RAB3GAP1: variants seen among roughly 807,000 people sequenced by gnomAD.
RAB3GAP1 encodes the protein rab3 GTPase-activating protein catalytic subunit.
RAB3GAP1 carries 86 observed loss-of-function variants against 130.7 expected under a neutral mutation model. That is an observed-to-expected ratio of 0.66 (90% CI 0.55 to 0.79). The LOEUF is 0.79. RAB3GAP1 is among the 30% of genes least tolerant of loss of function. The pLI is 0.00. For synonymous variants in RAB3GAP1, 367 were observed against 401.7 expected (o/e 0.91, Z 1.03); for missense variants, 1,029 against 1,169.4 (o/e 0.88, Z 1.75).
At chr2:135,154,909 C>A (rs1692268758) in intron 19 of RAB3GAP1, among the ~76,000 whole-genome samples, 1 of 152,126 alleles carries the variant, frequency 6.6e-6, no homozygotes, top group South Asian at 2.1e-4. Context: ...AAAGAAACTT[C>A]AGAAGAGGGC....
intron 5 of RAB3GAP1, among the ~76,000 whole-genome samples, chr2:135,104,357 A>G (rs1032596259): frequency 6.6e-6 from 1 of 152,176 alleles, no homozygotes; most frequent in Non-Finnish European, 1.5e-5. Flanking sequence ...AAATTACTAG[A>G]TGTACAATGA....
chr2:135,098,779 C>G (rs1690371563), intron 5 of RAB3GAP1, among the ~76,000 whole-genome samples: 1 of 152,076 alleles, frequency 6.6e-6, no homozygotes, highest in Non-Finnish European at 1.5e-5. Context: ...TTGTTGCTTT[C>G]TTATAAAGGA....
intron 17 of RAB3GAP1, among the ~76,000 whole-genome samples, chr2:135,148,454 T>C (rs996513355): frequency 4.6e-5 from 7 of 151,322 alleles, no homozygotes; most frequent in African/African-American, 1.7e-4. Flanking sequence ...TAGAAGAAAA[T>C]GTCCTTACCC....
At chr2:135,132,219 G>A (rs2104945883) in intron 13 of RAB3GAP1, among the ~76,000 whole-genome samples, 1 of 152,296 alleles carries the variant, frequency 6.6e-6, no homozygotes, top group East Asian at 1.9e-4. Flanking sequence ...AGTGATAAAA[G>A]GACTGTAAAT....
intron 3 of RAB3GAP1, among the ~76,000 whole-genome samples, chr2:135,070,748 G>A (rs749555096): frequency 1.4e-4 from 21 of 152,066 alleles, no homozygotes; most frequent in East Asian, 1.2e-3. Flanking sequence ...CTCGTGATCC[G>A]CCCAAAGTGC....
At chr2:135,132,781 A>G in intron 13 of RAB3GAP1, 114 bp from the exon 14 acceptor site, 1 of 698,828 alleles carries the variant, frequency 1.4e-6, no homozygotes. Context: ...GAACATTTCT[A>G]TTGTTAGAGC....
chr2:135,128,458 T>C (rs559691569), intron 11 of RAB3GAP1, among the ~76,000 whole-genome samples: 2 of 152,344 alleles, frequency 1.3e-5, no homozygotes, highest in African/African-American at 2.4e-5. Flanking sequence ...GCCTTTGTTA[T>C]AGTAAATGAA....
At chr2:135,076,762 G>A (rs1230286485) in intron 3 of RAB3GAP1, among the ~76,000 whole-genome samples, 1 of 152,116 alleles carries the variant, frequency 6.6e-6, no homozygotes, top group Admixed American at 6.5e-5. Context: ...TCCATATCTA[G>A]AACTTTTTTA....
chr2:135,093,854 G>GA (rs1473912213), intron 5 of RAB3GAP1, among the ~76,000 whole-genome samples, 161 bp downstream of exon 5: 1 of 152,118 alleles, frequency 6.6e-6, no homozygotes, highest in East Asian at 1.9e-4. Flanking sequence ...TCTGCAAAGG[G>GA]AAAAAACACA....
At chr2:135,057,049 T>C (rs1186488422) in intron 2 of RAB3GAP1, among the ~76,000 whole-genome samples, 1 of 152,236 alleles carries the variant, frequency 6.6e-6, no homozygotes, top group African/African-American at 2.4e-5. Context: ...ATAATTCTTC[T>C]GAAAATGTCT....
chr2:135,139,487 A>G (rs1332705982), intron 17 of RAB3GAP1, among the ~76,000 whole-genome samples: 1 of 151,832 alleles, frequency 6.6e-6, no homozygotes, highest in Non-Finnish European at 1.5e-5. Context: ...GTTGCAGTGA[A>G]CTATGATTGC....
intron 3 of RAB3GAP1, among the ~76,000 whole-genome samples, chr2:135,090,661 A>G (rs1034884655): frequency 2.6e-5 from 4 of 152,206 alleles, no homozygotes; most frequent in Non-Finnish European, 5.9e-5. Context: ...CTGCTTCTTT[A>G]TGAAGCAATT....
At chr2:135,102,239 A>T (rs1558775945) in intron 5 of RAB3GAP1, among the ~76,000 whole-genome samples, 1 of 152,208 alleles carries the variant, frequency 6.6e-6, no homozygotes, top group Non-Finnish European at 1.5e-5. Flanking sequence ...GGTCCCAGTA[A>T]TGTAGGTTTT....
chr2:135,131,210 T>A (rs2104944317), intron 13 of RAB3GAP1, among the ~76,000 whole-genome samples: 1 of 152,178 alleles, frequency 6.6e-6, no homozygotes, highest in African/African-American at 2.4e-5. Flanking sequence ...TGATTAGAAT[T>A]TTTTTATTTT....
intron 17 of RAB3GAP1, among the ~76,000 whole-genome samples, chr2:135,141,057 A>T (rs1013980707): frequency 1.3e-5 from 2 of 150,392 alleles, no homozygotes; most frequent in African/African-American, 4.9e-5. Flanking sequence ...TTTATTGCCC[A>T]TTTGTCTATC....
chr2:135,118,416 T>G (rs1333869247), intron 7 of RAB3GAP1, among the ~76,000 whole-genome samples: 2 of 152,250 alleles, frequency 1.3e-5, no homozygotes, highest in African/African-American at 4.8e-5. Flanking sequence ...TTTAATCCTC[T>G]TCTGCCATAA....
chr2:135,074,511 C>T (rs1021778207), intron 3 of RAB3GAP1, among the ~76,000 whole-genome samples: 6 of 152,164 alleles, frequency 3.9e-5, no homozygotes, highest in African/African-American at 1.2e-4. Context: ...GATTGGGTGG[C>T]GGGTCAGACA....
intron 3 of RAB3GAP1, among the ~76,000 whole-genome samples, chr2:135,059,981 A>G (rs1304497322): frequency 6.6e-6 from 1 of 152,212 alleles, no homozygotes; most frequent in African/African-American, 2.4e-5. Flanking sequence ...TATATGAAGG[A>G]CAGTGATTAT....
rs1226442705 is a variant in RAB3GAP1 at position 135,052,423 on chromosome 2, C to T, written c.19-7C>T. On this transcript the variant is annotated splice_polypyrimidine_tract_variant and splice_region_variant and intron_variant, in intron 1 of 23. Coordinates refer to ENST00000264158, the MANE Select transcript of RAB3GAP1 (RefSeq NM_012233.3). ...AATTTCTTTTTCTCTCCTTCCCCTT[C>T]CCGCAGCCCGAATCCGAGGTATTTG... 1 of 1,614,136 alleles carries T rather than the reference C, an allele frequency of 6.2e-7. No homozygotes were observed. Among genetic ancestry groups the T allele is most frequent in the Non-Finnish European group, 8.5e-7 (1 of 1,180,036 alleles).
Sources: allele counts gnomAD v4.1 joint callset (sites outside exome capture counted in the v4.1 genomes callset), GRCh38; gene constraint gnomAD v4.1.1; transcripts MANE v1.5; gene names NCBI Gene and HGNC (gene_info 2026-07-23, HGNC 2026-07-21).